The following HYCC2 variants were observed in gnomAD, a reference collection of about 807,000 sequenced individuals.
HYCC2 encodes the protein hyccin 2.
the HYCC2 span, among the ~76,000 whole-genome samples, chr2:201,031,175 GAAT>G: frequency 1.1e-4 from 16 of 151,998 alleles, no homozygotes. Flanking sequence ...TACATGTACA[GAAT>G]AATTTCTTCC....
the HYCC2 span, chr2:201,067,188 C>T: frequency 4.5e-6 from 1 of 223,288 alleles, no homozygotes; most frequent in Admixed American, 4.1e-5. Flanking sequence ...TTGGGATCAT[C>T]TAAACTGAGT....
chr2:201,014,862 C>T, the HYCC2 span, among the ~76,000 whole-genome samples: 1 of 151,948 alleles, frequency 6.6e-6, no homozygotes, highest in Non-Finnish European at 1.5e-5. Flanking sequence ...AATTTCAATA[C>T]CAATGGTCCT....
At chr2:201,043,131 C>G in the HYCC2 span, among the ~76,000 whole-genome samples, 1 of 152,074 alleles carries the variant, frequency 6.6e-6, no homozygotes, top group African/African-American at 2.4e-5. Flanking sequence ...AACCTTACCC[C>G]CAACCCCGTG....
chr2:201,060,057 G>T, the HYCC2 span, among the ~76,000 whole-genome samples: 8 of 132,648 alleles, frequency 6.0e-5, no homozygotes, highest in Middle Eastern at 3.5e-3. Flanking sequence ...AAAAAAGCGG[G>T]GGGGGGGGGG....
At chr2:200,979,264 T>TACACACAC in the HYCC2 span, 41 of 144,270 alleles carry the variant, frequency 2.8e-4, no homozygotes, top group African/African-American at 9.0e-4. Context: ...ATACACACCA[T>TACACACAC]ACACACACAC....
At chr2:200,982,839 C>T in the HYCC2 span, among the ~76,000 whole-genome samples, 1 of 152,176 alleles carries the variant, frequency 6.6e-6, no homozygotes, top group African/African-American at 2.4e-5. Context: ...CTCACTGCAA[C>T]CTCTGCCTCC....
the HYCC2 span, chr2:200,997,389 G>T: frequency 8.0e-7 from 1 of 1,244,600 alleles, no homozygotes; most frequent in Non-Finnish European, 1.2e-6. Flanking sequence ...TAGAGAATGT[G>T]CTCAATAAAT....
At chr2:201,045,692 C>G in the HYCC2 span, 1 of 391,468 alleles carries the variant, frequency 2.6e-6, no homozygotes, top group Non-Finnish European at 4.5e-6. Flanking sequence ...TATAGCTTAT[C>G]TAATTTTAAG....
At chr2:201,010,103 C>CAAAA in the HYCC2 span, among the ~76,000 whole-genome samples, 28 of 70,740 alleles carry the variant, frequency 4.0e-4, no homozygotes, top group Non-Finnish European at 8.6e-5. Context: ...GACTCTGTCT[C>CAAAA]AAAAAAAAAA....
At chr2:200,997,628 T>A in the HYCC2 span, 1 of 775,490 alleles carries the variant, frequency 1.3e-6, no homozygotes, top group South Asian at 1.6e-5. Context: ...TATTGACCTT[T>A]ATGATTTCTT....
chr2:201,043,818 T>C, the HYCC2 span, among the ~76,000 whole-genome samples: 5 of 152,106 alleles, frequency 3.3e-5, no homozygotes, highest in African/African-American at 1.2e-4. Flanking sequence ...AAACATGTAT[T>C]TTCTAACCAG....
At chr2:201,024,901 G>C in the HYCC2 span, among the ~76,000 whole-genome samples, 20 of 151,980 alleles carry the variant, frequency 1.3e-4, no homozygotes, top group Admixed American at 1.0e-3. Context: ...CTGAGCCCAA[G>C]GGTTCCAGAC....
At chr2:201,051,423 A>G in the HYCC2 span, among the ~76,000 whole-genome samples, 1 of 152,150 alleles carries the variant, frequency 6.6e-6, no homozygotes, top group African/African-American at 2.4e-5. Context: ...AAATGCTATT[A>G]CTCACAGATG....
At chr2:200,986,814 A>G in the HYCC2 span, among the ~76,000 whole-genome samples, 5 of 152,206 alleles carry the variant, frequency 3.3e-5, no homozygotes, top group African/African-American at 1.2e-4. Flanking sequence ...GATAAAGCCA[A>G]TGAATATCAG....
chr2:200,984,939 C>T, the HYCC2 span, among the ~76,000 whole-genome samples: 1 of 152,068 alleles, frequency 6.6e-6, no homozygotes, highest in Non-Finnish European at 1.5e-5. Context: ...ATAGCAAGAC[C>T]CCATCTCTAC....
At chr2:201,069,978 G>A in the HYCC2 span, among the ~76,000 whole-genome samples, 1 of 152,122 alleles carries the variant, frequency 6.6e-6, no homozygotes, top group South Asian at 2.1e-4. Flanking sequence ...GAAAATTGTA[G>A]AGTTGCTGAC....
the HYCC2 span, among the ~76,000 whole-genome samples, chr2:201,050,354 A>C: frequency 1.3e-5 from 2 of 152,182 alleles, no homozygotes; most frequent in Non-Finnish European, 2.9e-5. Flanking sequence ...AAATAAAGAA[A>C]TGGAATGTAT....
At chr2:200,990,534 T>C in the HYCC2 span, among the ~76,000 whole-genome samples, 1 of 152,036 alleles carries the variant, frequency 6.6e-6, no homozygotes, top group Non-Finnish European at 1.5e-5. Flanking sequence ...CCCAAGCAGC[T>C]GGAATTACAA....
chr2:201,023,348 C>CA, the HYCC2 span, among the ~76,000 whole-genome samples: 72 of 134,656 alleles, frequency 5.3e-4, no homozygotes, highest in South Asian at 1.9e-3. Context: ...GACTCCATCT[C>CA]AAAAAAAAAA....
Sources: gnomAD v4.1 joint callset for allele counts (sites outside exome capture counted in the v4.1 genomes callset) on GRCh38, gnomAD v4.1.1 for gene constraint, MANE v1.5 for transcripts, NCBI Gene and HGNC (gene_info 2026-07-23, HGNC 2026-07-21) for gene names.